The following OPA1 variants were observed in gnomAD, a reference collection of about 807,000 sequenced individuals.
OPA1 encodes the protein OPA1 mitochondrial dynamin like GTPase, also known as dynamin-like GTPase OPA1, mitochondrial.
OPA1 carries 59 observed loss-of-function variants against 152.9 expected under a neutral mutation model. That is an observed-to-expected ratio of 0.39 (90% CI 0.31 to 0.48). The LOEUF is 0.48. OPA1 is among the 20% of genes least tolerant of loss of function. OPA1 has a pLI of 0.96. For missense variants in OPA1, 1,008 were observed against 1,216.8 expected (o/e 0.83, Z 2.55); for synonymous variants, 400 against 389.9 (o/e 1.03, Z -0.31).
chr3:193,656,562 T>C (rs1713867099), intron 22 of OPA1, among the ~76,000 whole-genome samples: 1 of 152,226 alleles, frequency 6.6e-6, no homozygotes, highest in Non-Finnish European at 1.5e-5. Context: ...GACAAAGCTA[T>C]GAAGATGACT....
chr3:193,685,430 G>T (rs997232772), intron 29 of OPA1, among the ~76,000 whole-genome samples: 9 of 151,996 alleles, frequency 5.9e-5, no homozygotes, highest in Non-Finnish European at 1.3e-4. Context: ...ACTTTATGGG[G>T]GTCACAAAAT....
intron 7 of OPA1, among the ~76,000 whole-genome samples, chr3:193,628,861 T>G (rs1460728540): frequency 6.6e-6 from 1 of 152,210 alleles, no homozygotes; most frequent in Non-Finnish European, 1.5e-5. Flanking sequence ...GTTTTTATAT[T>G]GTTTCCTAGG....
intron 18 of OPA1, among the ~76,000 whole-genome samples, chr3:193,646,007 A>T (rs1177013188): frequency 6.6e-6 from 1 of 152,224 alleles, no homozygotes; most frequent in Non-Finnish European, 1.5e-5. Flanking sequence ...GGTACAATAC[A>T]TACTGGCATG....
Position 193,643,428 on chromosome 3 carries a change from T to C in OPA1, c.1361T>C (p.Leu454Ser). Residue 454 changes from leucine (L) to serine (S), a missense_variant, in exon 14 of 31, where the codon TTA (leucine) becomes TCA (serine). Coordinates refer to ENST00000361510, the MANE Select transcript of OPA1 (RefSeq NM_130837.3). Reference sequence around the variant, plus strand: ...CTACAGAGGATGGTGCTTGTTGACTTACCAGGTGTGATTAATGTAAGTATA... The same window carrying C: ...CTACAGAGGATGGTGCTTGTTGACTCACCAGGTGTGATTAATGTAAGTATA... Reference protein sequence around the residue: ...PGLQRMVLVDLPGVINTVTSG... With the variant: ...PGLQRMVLVDSPGVINTVTSG... 1 of 1,611,832 alleles carries C rather than the reference T, an allele frequency of 6.2e-7. No individual in the cohort carries two copies. The highest frequency in any genetic ancestry group is 8.5e-7 in the Non-Finnish European group (1 of 1,177,960).
At chr3:193,675,563 C>T (rs376260037) in intron 29 of OPA1, among the ~76,000 whole-genome samples, 21 of 152,204 alleles carry the variant, frequency 1.4e-4, no homozygotes, top group South Asian at 1.2e-3. Flanking sequence ...ATCATCATCA[C>T]TTCAACCTAA....
chr3:193,596,119 G>T (rs1456096872), intron 1 of OPA1, among the ~76,000 whole-genome samples: 1 of 149,066 alleles, frequency 6.7e-6, no homozygotes, highest in Non-Finnish European at 1.5e-5. Context: ...GATGCATTCC[G>T]CCCCCATCCT....
rs868448372 is a variant in OPA1, at chr3:193,692,110, C to T, written c.3031C>T (p.Leu1011Phe). ...QEKLDAFIEA[L>F]HQEK ...AAAACTTGATGCTTTCATTGAAGCTCTTCATCAGGAGAAATAAATTAAGTG... is the reference window on the plus strand; with the variant it reads ...AAAACTTGATGCTTTCATTGAAGCTTTTCATCAGGAGAAATAAATTAAGTG... The change falls in exon 30 of 31, where the codon CTT (leucine) becomes TTT (phenylalanine). Residue 1011 changes from leucine to phenylalanine, a missense_variant. Coordinates refer to ENST00000361510, the MANE Select transcript of OPA1 (RefSeq NM_130837.3). 16 of 1,545,778 alleles carry T rather than the reference C, an allele frequency of 1.0e-5. No homozygotes were observed. The highest frequency in any genetic ancestry group is 1.4e-5 in the African/African-American group (1 of 73,556).
chr3:193,685,267 A>G (rs1375089778), intron 29 of OPA1, among the ~76,000 whole-genome samples: 1 of 151,410 alleles, frequency 6.6e-6, no homozygotes, highest in Non-Finnish European at 1.5e-5. Context: ...GCGCCACTGC[A>G]CTCCAGCCTG....
At chr3:193,679,838 T>C (rs537735383) in intron 29 of OPA1, among the ~76,000 whole-genome samples, 1 of 152,344 alleles carries the variant, frequency 6.6e-6, no homozygotes, top group South Asian at 2.1e-4. Context: ...AATTTTGTGA[T>C]TGTTCAATAG....
chr3:193,656,459 T>G lies in OPA1; in HGVS notation c.2179-621T>G, dbSNP rs529838003. On this transcript the variant is annotated intron_variant, in intron 22 of 30. Transcript: ENST00000361510. Reference sequence around the variant, plus strand: ...TGACACTGTGCTCTTCCTTTCACCGTTCAGATCATTAGGAGTTAGCTATAA... The same window carrying G: ...TGACACTGTGCTCTTCCTTTCACCGGTCAGATCATTAGGAGTTAGCTATAA... Among the ~76,000 whole-genome samples, 3 of 152,322 alleles carry G rather than the reference T, an allele frequency of 2.0e-5. No individual in the cohort carries two copies. The South Asian group carries it at 6.2e-4, about 32-fold the overall frequency.
Position 193,647,994 on chromosome 3 carries a change from T to C in OPA1, c.1871-76T>C, listed in dbSNP as rs1734967182. The C allele has an allele frequency of 1.0e-5, 10 of 992,092 alleles. 1 individual carries two copies. The South Asian group carries it at 1.3e-4, about 13-fold the overall frequency. 61.5% of individuals were successfully genotyped at this position (992,092 alleles called of 1,614,324 possible). A position where few individuals can be genotyped will look rare whatever the true frequency, so the allele number is the denominator to read the frequency against. ...AGAAATTCAGTTAATACAGAGGATA[T>C]GTATTTTAACCACTTTAACCACTAC... On this transcript the variant is annotated intron_variant, in intron 19 of 30. Transcript: ENST00000361510.
chr3:193,687,729 T>A (rs1388526618), intron 29 of OPA1, among the ~76,000 whole-genome samples: 1 of 152,232 alleles, frequency 6.6e-6, no homozygotes, highest in Non-Finnish European at 1.5e-5. Flanking sequence ...ATGGCACAGT[T>A]AGTATACAGA....
At chr3:193,649,404 A>C (rs1056325020) in intron 21 of OPA1, among the ~76,000 whole-genome samples, 2 of 152,210 alleles carry the variant, frequency 1.3e-5, no homozygotes, top group South Asian at 4.1e-4. Context: ...CCTTCAGTTT[A>C]TATTTTATGT....
chr3:193,692,277 G>A (rs916381990), intron 30 of OPA1, 145 bp downstream of exon 30: 23 of 635,516 alleles, frequency 3.6e-5, no homozygotes, highest in African/African-American at 2.2e-4. Context: ...ACTAGCTTCC[G>A]AATTTCATTT....
Position 193,657,142 on chromosome 3 carries a change from G to T in OPA1, c.2241G>T (p.Glu747Asp). 1 of 1,613,936 alleles carries T rather than the reference G, an allele frequency of 6.2e-7. No individual in the cohort carries two copies. The highest frequency in any genetic ancestry group is 8.5e-7 in the Non-Finnish European group (1 of 1,179,876). Residue 747 changes from glutamate to aspartate, a missense_variant, in exon 23 of 31, where the codon GAG (glutamate) becomes GAT (aspartate). By Grantham distance (45) the Glu-to-Asp change is conservative. Around this residue, in one of 7 missense-constraint regions of OPA1, gnomAD observed 229 missense variants for 269.0 expected, o/e 0.85. Transcript: ENST00000361510. ...TTATGACAGAACCGAAAGGGAAAGA[G>T]CATGATGACATATTTGATAAACTTA... Reference protein sequence around the residue: ...SRFMTEPKGKEHDDIFDKLKE... With the variant: ...SRFMTEPKGKDHDDIFDKLKE...
chr3:193,644,278 G>A (rs1734206515), intron 16 of OPA1, 173 bp downstream of exon 16: 1 of 693,984 alleles, frequency 1.4e-6, no homozygotes, highest in Non-Finnish European at 2.3e-6. Flanking sequence ...ATGGTATGAA[G>A]TCTGAAGGAA....
intron 27 of OPA1, among the ~76,000 whole-genome samples, chr3:193,665,295 C>T (rs1008813707): frequency 6.6e-6 from 1 of 151,600 alleles, no homozygotes; most frequent in African/African-American, 2.4e-5. Flanking sequence ...GTCCCTTATT[C>T]CCTGACCTGT....
intron 21 of OPA1, 81 bp downstream of exon 21, chr3:193,648,952 A>G: frequency 2.9e-6 from 3 of 1,033,440 alleles, no homozygotes. Flanking sequence ...AGATTGATAA[A>G]GCAGTGATTT....
At chr3:193,656,873 C>G (rs1405010901) in intron 22 of OPA1, among the ~76,000 whole-genome samples, 1 of 152,102 alleles carries the variant, frequency 6.6e-6, no homozygotes, top group Non-Finnish European at 1.5e-5. Flanking sequence ...GAAAACATAC[C>G]AGGAAGCCAT....
Sources: gnomAD v4.1 joint callset for allele counts (sites outside exome capture counted in the v4.1 genomes callset) on GRCh38, gnomAD v4.1.1 for gene constraint, gnomAD v4.1.1 regional missense constraint, MANE v1.5 for transcripts, NCBI Gene and HGNC (gene_info 2026-07-23, HGNC 2026-07-21) for gene names.